The following INSYN2A variants were observed in gnomAD, a reference collection of about 807,000 sequenced individuals.
INSYN2A encodes the protein family with sequence similarity 196 member A.
In INSYN2A, 17 loss-of-function variants were observed where a neutral mutation model predicts 39.4. The ratio of observed to expected loss-of-function variants is 0.43; its 90% CI spans 0.30 to 0.65. The LOEUF (loss-of-function observed/expected upper bound fraction) is 0.65. Among genes scored for constraint, INSYN2A ranks in the 30% least tolerant of loss-of-function variants. The pLI is 0.14. For synonymous variants in INSYN2A, 255 were observed against 265.7 expected (o/e 0.96, Z 0.39); for missense variants, 595 against 631.2 (o/e 0.94, Z 0.61).
rs534978407 is a variant in INSYN2A at position 127,137,733 on chromosome 10, G to A, written c.*104C>T. 133 of 1,084,686 alleles carry A rather than the reference G, an allele frequency of 1.2e-4. No individual in the cohort carries two copies. In the African/African-American group the frequency reaches 1.9e-3, roughly 16 times the overall value. 67.2% of individuals were successfully genotyped at this position (1,084,686 alleles called of 1,614,324 possible). A position where few individuals can be genotyped will look rare whatever the true frequency, so the allele number is the denominator to read the frequency against. On this transcript the variant is annotated 3_prime_UTR_variant, in exon 6 of 6. Coordinates refer to ENST00000522781, the MANE Select transcript of INSYN2A (RefSeq NM_001039762.3). ...GCAGGGCGAGAAGTGGGAGGTGCCTGAATGGGCACCACAGTTCCCTCGATC... is the reference window on the plus strand; with the variant it reads ...GCAGGGCGAGAAGTGGGAGGTGCCTAAATGGGCACCACAGTTCCCTCGATC...
chr10:127,137,798 G>A lies in INSYN2A; in HGVS notation c.*39C>T. 6.4e-7 allele frequency: 1 copy of A among 1,572,662 alleles called. No individual in the cohort carries two copies. The highest frequency in any genetic ancestry group is 8.7e-7 in the Non-Finnish European group (1 of 1,155,918). On this transcript the variant is annotated 3_prime_UTR_variant, in exon 6 of 6. Coordinates refer to ENST00000522781, the MANE Select transcript of INSYN2A (RefSeq NM_001039762.3). ...AAAGTATTGACTTAAACTCCAGTGGGTTCTAAAGACGGCCTCGAGACTCCA... is the reference window on the plus strand; with the variant it reads ...AAAGTATTGACTTAAACTCCAGTGGATTCTAAAGACGGCCTCGAGACTCCA...
chr10:127,167,955 G>T (rs1336172215), intron 4 of INSYN2A, among the ~76,000 whole-genome samples: 1 of 152,282 alleles, frequency 6.6e-6, no homozygotes, highest in Non-Finnish European at 1.5e-5. Context: ...AACCTCAAAG[G>T]TAGTAACTTA....
chr10:127,170,777 A>T (rs2054501651), intron 4 of INSYN2A, among the ~76,000 whole-genome samples: 1 of 152,306 alleles, frequency 6.6e-6, no homozygotes, highest in African/African-American at 2.4e-5. Context: ...GACTCCCATT[A>T]GTGACTTATT....
At chr10:127,155,626 C>G (rs1403191992) in intron 4 of INSYN2A, among the ~76,000 whole-genome samples, 1 of 152,164 alleles carries the variant, frequency 6.6e-6, no homozygotes, top group Non-Finnish European at 1.5e-5. Flanking sequence ...TACCCCTTTC[C>G]TCCTCATGGC....
chr10:127,185,724 A>G (rs1220160366), intron 2 of INSYN2A, among the ~76,000 whole-genome samples: 2 of 152,242 alleles, frequency 1.3e-5, no homozygotes, highest in Non-Finnish European at 2.9e-5. Flanking sequence ...AGGTAAAACC[A>G]TATCCAGAGA....
Position 127,175,691 on chromosome 10 carries a change from T to G in INSYN2A, c.705A>C (p.Pro235=). 1 of 1,613,882 alleles carries G rather than the reference T, an allele frequency of 6.2e-7. No homozygotes were observed. Among genetic ancestry groups the G allele is most frequent in the East Asian group, 2.2e-5 (1 of 44,862 alleles). ...LGRAKQDRGR[P]NSEEPAPPAL... is the part of the protein sequence containing the mutation. ...CAGGTGGAGCGGGCTCCTCGGAGTT[T>G]GGCCTCCCCCGGTCCTGCTTGGCCC... The change falls in exon 4 of 6, where the codon CCA becomes CCC. Residue 235 remains proline, a synonymous_variant. Transcript: ENST00000522781. This position sits in a 1 kb window ranked among gnomAD's most constrained non-coding sequence, Gnocchi z 6.3.
chr10:127,157,794 G>C (rs1036308105), intron 4 of INSYN2A, among the ~76,000 whole-genome samples: 2 of 152,166 alleles, frequency 1.3e-5, no homozygotes, highest in Admixed American at 6.5e-5. Flanking sequence ...TTTTGTTTGG[G>C]ATCTTTCTTT....
intron 4 of INSYN2A, among the ~76,000 whole-genome samples, chr10:127,165,134 G>A (rs1406002420): frequency 1.3e-5 from 2 of 152,244 alleles, no homozygotes; most frequent in Non-Finnish European, 2.9e-5. Context: ...TACTGTCACA[G>A]AGGTTCGAAT....
At chr10:127,180,510 T>C (rs2055623381) in intron 2 of INSYN2A, among the ~76,000 whole-genome samples, 1 of 152,212 alleles carries the variant, frequency 6.6e-6, no homozygotes, top group South Asian at 2.1e-4. Context: ...GAGAGCTAGA[T>C]GTCGAGGAGC....
At chr10:127,146,921 C>T (rs1040175811) in intron 5 of INSYN2A, among the ~76,000 whole-genome samples, 9 of 152,180 alleles carry the variant, frequency 5.9e-5, no homozygotes, top group Non-Finnish European at 1.0e-4. Context: ...CTGTCTTGAT[C>T]GTGCACTATC....
At chr10:127,191,113 C>T (rs1005293338) in intron 2 of INSYN2A, among the ~76,000 whole-genome samples, 3 of 152,124 alleles carry the variant, frequency 2.0e-5, no homozygotes, top group African/African-American at 7.2e-5. Flanking sequence ...CACCCTACCA[C>T]TTGGCTTAAG....
At chr10:127,146,428 T>C (rs2051859686) in intron 5 of INSYN2A, among the ~76,000 whole-genome samples, 2 of 152,184 alleles carry the variant, frequency 1.3e-5, no homozygotes, top group Admixed American at 1.3e-4. Flanking sequence ...ATAAATAATA[T>C]ATTTTTGGAT....
chr10:127,156,229 T>C (rs1460590311), intron 4 of INSYN2A, among the ~76,000 whole-genome samples: 2 of 152,198 alleles, frequency 1.3e-5, no homozygotes, highest in Non-Finnish European at 2.9e-5. Flanking sequence ...ATTAGAGCCC[T>C]GAGCCTTCTA....
intron 4 of INSYN2A, among the ~76,000 whole-genome samples, chr10:127,168,219 T>C (rs1174813379): frequency 6.6e-6 from 1 of 152,168 alleles, no homozygotes; most frequent in Non-Finnish European, 1.5e-5. Flanking sequence ...AAGAACCAAG[T>C]GCATGGGAGG....
At chr10:127,151,046 C>T (rs1023708358) in intron 5 of INSYN2A, among the ~76,000 whole-genome samples, 59 of 152,138 alleles carry the variant, frequency 3.9e-4, no homozygotes, top group African/African-American at 1.4e-3. Flanking sequence ...TTATGATTTC[C>T]CCATTGATTG....
chr10:127,170,075 A>G (rs924606864), intron 4 of INSYN2A, among the ~76,000 whole-genome samples: 2 of 151,568 alleles, frequency 1.3e-5, no homozygotes, highest in Non-Finnish European at 1.5e-5. Flanking sequence ...CCCTTTCTCA[A>G]TGAGGATGAA....
intron 5 of INSYN2A, among the ~76,000 whole-genome samples, chr10:127,145,246 G>C (rs761557312): frequency 1.3e-5 from 2 of 152,140 alleles, no homozygotes; most frequent in African/African-American, 4.8e-5. Context: ...CCACCGAGGA[G>C]CAGAGGCAGA....
intron 2 of INSYN2A, among the ~76,000 whole-genome samples, chr10:127,183,544 A>C (rs2055937875): frequency 6.6e-6 from 1 of 152,198 alleles, no homozygotes; most frequent in South Asian, 2.1e-4. Context: ...ATGTAGAGAA[A>C]ATAACCTGCA....
chr10:127,177,449 C>A (rs1276480853), intron 2 of INSYN2A, among the ~76,000 whole-genome samples: 4 of 152,212 alleles, frequency 2.6e-5, no homozygotes, highest in African/African-American at 9.6e-5. Context: ...GCGCTTAAAG[C>A]AAGAAAATAG....
Sources: gnomAD v4.1 joint callset for allele counts (sites outside exome capture counted in the v4.1 genomes callset) on GRCh38, gnomAD v4.1.1 for gene constraint, Gnocchi (gnomAD v3.1) non-coding constraint, MANE v1.5 for transcripts, NCBI Gene and HGNC (gene_info 2026-07-23, HGNC 2026-07-21) for gene names.